Variants in TIE1 observed in about 807,000 individuals in gnomAD.
TIE1 encodes tyrosine-protein kinase receptor Tie-1.
In TIE1, 89 loss-of-function variants were observed where a neutral mutation model predicts 130.5. The ratio of observed to expected loss-of-function variants is 0.68; its 90% CI spans 0.57 to 0.81. The LOEUF (loss-of-function observed/expected upper bound fraction) is 0.81, where lower values mean the gene tolerates loss of function less well. Among genes scored for constraint, TIE1 ranks in the 40% least tolerant of loss-of-function variants. The probability of loss-of-function intolerance (pLI) is 0.00; values close to 1 mark genes in which losing one functional copy is unlikely to be tolerated. For synonymous variants in TIE1, 568 were observed against 629.4 expected (o/e 0.90, Z 1.46); for missense variants, 1,392 against 1,559.8 (o/e 0.89, Z 1.81).
Position 43,321,401 on chromosome 1 carries a change from A to G in TIE1, c.3154A>G (p.Thr1052Ala). The G allele has an allele frequency of 6.2e-7, 1 of 1,613,892 alleles. No individual in the cohort carries two copies. The highest frequency in any genetic ancestry group is 8.5e-7 in the Non-Finnish European group (1 of 1,179,896). Residue 1052 changes from threonine (T) to alanine (A), a missense_variant, in exon 21 of 23, where the codon ACA becomes GCA. By Grantham distance (58) the Thr-to-Ala change is moderately conservative. Transcript: ENST00000372476. ...CACTTTGTCCCCTCCTGCAGGAGGT[A>G]CACCCTACTGTGGCATGACCTGTGC... is the stretch of plus-strand genomic sequence containing the variant. ...LLWEIVSLGG[T>A]PYCGMTCAEL...
intron 1 of TIE1, among the ~76,000 whole-genome samples, chr1:43,304,277 AGCC>A (rs1464723559): frequency 1.3e-5 from 2 of 152,158 alleles, no homozygotes; most frequent in Non-Finnish European, 2.9e-5. Flanking sequence ...TGCAAAACTC[AGCC>A]TCTCCCACCT....
At position 43,306,535 on chromosome 1, in the gene TIE1, C is replaced by A. The variant is rs559749692; in HGVS notation, c.485-305C>A. Among the ~76,000 whole-genome samples, 12 of 152,136 alleles carry A rather than the reference C, an allele frequency of 7.9e-5. No individual in the cohort carries two copies. In the East Asian group the frequency reaches 2.3e-3, roughly 30 times the overall value. On this transcript the variant is annotated intron_variant, in intron 3 of 22. Coordinates refer to ENST00000372476, the MANE Select transcript of TIE1 (RefSeq NM_005424.5). This position sits in a 1 kb window ranked among gnomAD's most constrained non-coding sequence, Gnocchi z 4.9. Reference sequence around the variant, plus strand: ...AAGGGTGACACTGGAGGCAGAGGAGCCTTGTGAGGCCCCTGGAGGCTAGGA... The same window carrying A: ...AAGGGTGACACTGGAGGCAGAGGAGACTTGTGAGGCCCCTGGAGGCTAGGA...
chr1:43,303,486 C>A (rs1199666805), intron 1 of TIE1, among the ~76,000 whole-genome samples: 1 of 152,142 alleles, frequency 6.6e-6, no homozygotes, highest in Non-Finnish European at 1.5e-5. Flanking sequence ...CTCATGGTAG[C>A]CTTTCAAACA....
chr1:43,321,630 G>A lies in TIE1; in HGVS notation c.3260G>A (p.Arg1087His), dbSNP rs146799667. ...CCCCCTCGCAGGTACGAGCTGATGC[G>A]TCAGTGCTGGCGGGACCGTCCCTAT... is the stretch of plus-strand genomic sequence containing the variant. ...NCDDEVYELMRQCWRDRPYER... is the reference protein window; with the variant it reads ...NCDDEVYELMHQCWRDRPYER... Residue 1087 changes from arginine to histidine, a missense_variant, in exon 22 of 23, where the codon CGT becomes CAT. By Grantham distance (29) the Arg-to-His change is conservative. This residue lies in a region of TIE1 where 104 missense variants were observed against 129.3 expected (regional missense o/e 0.80). Transcript: ENST00000372476. The A allele has an allele frequency of 1.8e-4, 274 of 1,554,136 alleles. 1 individual carries two copies. Among genetic ancestry groups the A allele is most frequent in the Non-Finnish European group, 2.2e-4 (254 of 1,148,350 alleles).
intron 1 of TIE1, among the ~76,000 whole-genome samples, chr1:43,301,669 G>T (rs1646671599): frequency 6.6e-6 from 1 of 151,492 alleles, no homozygotes; most frequent in Non-Finnish European, 1.5e-5. Flanking sequence ...AGGAGATCGA[G>T]ACCAGCCTGG....
Position 43,307,902 on chromosome 1 carries a change from T to C in TIE1, c.1020T>C (p.His340=). The part of the protein sequence containing the change: ...FSGCVCPSGW[H]GVHCEKSDRI... ...GTTGTGTCTGCCCCTCTGGGTGGCA[T>C]GGAGTGCACTGTGAGAAGTCAGGTA... Residue 340 remains histidine (H), a synonymous_variant, in exon 7 of 23, where the codon CAT becomes CAC. Coordinates refer to ENST00000372476, the MANE Select transcript of TIE1 (RefSeq NM_005424.5). The surrounding 1 kb of genome is among the most constrained non-coding windows in gnomAD (Gnocchi z 5.4). The C allele has an allele frequency of 6.2e-7, 1 of 1,614,176 alleles. No homozygotes were observed. The highest frequency in any genetic ancestry group is 8.5e-7 in the Non-Finnish European group (1 of 1,180,006).
intron 1 of TIE1, among the ~76,000 whole-genome samples, chr1:43,301,848 G>A (rs368876420): frequency 1.8e-4 from 28 of 152,262 alleles, no homozygotes; most frequent in South Asian, 1.4e-3. Flanking sequence ...CAGCCTGGGC[G>A]ACAGAGCAAG....
intron 1 of TIE1, 24 bp downstream of exon 1, chr1:43,301,153 C>T (rs914090114): frequency 6.2e-7 from 1 of 1,605,788 alleles, no homozygotes; most frequent in Non-Finnish European, 8.5e-7. Context: ...GAGTCCCTCA[C>T]CCCATTTCTA....
chr1:43,306,832 TC>T lies in TIE1; in HGVS notation c.485-3del. The T allele has an allele frequency of 6.2e-7, 1 of 1,602,262 alleles. No individual in the cohort carries two copies. The highest frequency in any genetic ancestry group is 8.5e-7 in the Non-Finnish European group (1 of 1,173,994). ...TGCTGAGGCCCCTGACACATTCATG[TC>T]CCCCAGGATCCTACTTCTACACCCT... is the stretch of plus-strand genomic sequence containing the variant. On this transcript the variant is annotated splice_region_variant and splice_polypyrimidine_tract_variant and intron_variant, in intron 3 of 22. Coordinates refer to ENST00000372476, the MANE Select transcript of TIE1 (RefSeq NM_005424.5). This position sits in a 1 kb window ranked among gnomAD's most constrained non-coding sequence, Gnocchi z 4.9.
intron 1 of TIE1, 106 bp from the exon 2 acceptor site, chr1:43,304,745 T>C: frequency 1.6e-6 from 2 of 1,240,174 alleles, no homozygotes; most frequent in Non-Finnish European, 2.1e-6. Flanking sequence ...GGAGACCCTC[T>C]TCTGAGTGGA....
chr1:43,308,925 G>A (rs764757108), intron 7 of TIE1, 61 bp from the exon 8 acceptor site: 227 of 1,610,190 alleles, frequency 1.4e-4, no homozygotes, highest in Non-Finnish European at 1.8e-4. Flanking sequence ...GATGAGGGGC[G>A]CTTTGGTGGT....
chr1:43,321,882 G>A (rs138456179), intron 22 of TIE1, among the ~76,000 whole-genome samples, 167 bp downstream of exon 22: 2 of 152,320 alleles, frequency 1.3e-5, no homozygotes, highest in African/African-American at 2.4e-5. Context: ...TGCCTTTCCA[G>A]CCCTCACTGG....
In TIE1 at chr1:43,315,859, C is replaced by T. The variant is rs1646853575; in HGVS notation, c.2410-1340C>T. On this transcript the variant is annotated intron_variant, in intron 14 of 22. Transcript: ENST00000372476. The surrounding 1 kb of genome is among the most constrained non-coding windows in gnomAD (Gnocchi z 4.4). ...TCTATATCAAGATATATCCCCCTAG[C>T]CTGGGCAACATGGCAAAACCCCATC... 6.6e-6 allele frequency among the ~76,000 whole-genome samples: 1 copy of T among 151,964 alleles called. No individual in the cohort carries two copies. The highest frequency in any genetic ancestry group is 1.5e-5 in the Non-Finnish European group (1 of 68,012).
chr1:43,301,009 A>T lies in TIE1; in HGVS notation c.-63A>T, dbSNP rs573643663. ...ACTGACCAACACAGGCTGAGCAGTC[A>T]GGCCCACAGCATCTGACCCCAGGCC... is the stretch of plus-strand genomic sequence containing the variant. On this transcript the variant is annotated 5_prime_UTR_variant, in exon 1 of 23. Transcript: ENST00000372476. 25 of 1,570,590 alleles carry T rather than the reference A, an allele frequency of 1.6e-5. No individual in the cohort carries two copies. The Admixed American group carries it at 4.1e-4, about 26-fold the overall frequency.
chr1:43,314,020 T>C, intron 14 of TIE1, 52 bp downstream of exon 14: 1 of 1,586,392 alleles, frequency 6.3e-7, no homozygotes, highest in Non-Finnish European at 8.6e-7. Flanking sequence ...GTGTTTATGT[T>C]TCTACCTGTG....
Position 43,313,454 on chromosome 1 carries a change from C to G in TIE1, c.2218+29C>G, listed in dbSNP as rs187353459. 1 of 1,611,886 alleles carries G rather than the reference C, an allele frequency of 6.2e-7. No homozygotes were observed. The highest frequency in any genetic ancestry group is 8.5e-7 in the Non-Finnish European group (1 of 1,178,962). ...AGAGGGCAGGGCCCACAGGACCCCC[C>G]GGGCTCTGAGCGGGGAGAGCTCAGC... On this transcript the variant is annotated intron_variant, in intron 13 of 22. Transcript: ENST00000372476. This position sits in a 1 kb window ranked among gnomAD's most constrained non-coding sequence, Gnocchi z 6.2.
chr1:43,306,908 G>A lies in TIE1; in HGVS notation c.553G>A (p.Val185Met), dbSNP rs1313130222. ...DGRFLLQLPN[V>M]QPPSSGIYSA... ...GCGGTTCCTGCTGCAGCTCCCAAAT[G>A]TGCAGCCACCATCGAGCGGCATCTA... Residue 185 changes from valine (V) to methionine (M), a missense_variant, in exon 4 of 23, where the codon GTG (valine) becomes ATG (methionine). Physicochemically the swap from Val to Met is conservative, Grantham distance 21. This residue lies in a region of TIE1 where 415 missense variants were observed against 424.8 expected (regional missense o/e 0.98). Coordinates refer to ENST00000372476, the MANE Select transcript of TIE1 (RefSeq NM_005424.5). The surrounding 1 kb of genome is among the most constrained non-coding windows in gnomAD (Gnocchi z 4.9). The A allele has an allele frequency of 6.2e-7, 1 of 1,614,042 alleles. No homozygotes were observed. Among genetic ancestry groups the A allele is most frequent in the South Asian group, 1.1e-5 (1 of 91,078 alleles).
Position 43,312,117 on chromosome 1 carries a change from C to G in TIE1, c.1616C>G (p.Thr539Ser). The change falls in exon 11 of 23, where the codon ACC becomes AGC. Residue 539 changes from threonine (T) to serine (S), a missense_variant. By Grantham distance (58) the Thr-to-Ser change is moderately conservative. Coordinates refer to ENST00000372476, the MANE Select transcript of TIE1 (RefSeq NM_005424.5). The surrounding 1 kb of genome is among the most constrained non-coding windows in gnomAD (Gnocchi z 5.6). ...GCCTGGGGGCCTCCCACCCTCATGA[C>G]CACAGACTGTCCTGGTGAGAGGCCA... ...EGAWGPPTLMTTDCPEPLLQP... is the reference protein window; with the variant it reads ...EGAWGPPTLMSTDCPEPLLQP... 6.4e-7 allele frequency: 1 copy of G among 1,565,582 alleles called. No homozygotes were observed. The highest frequency in any genetic ancestry group is 8.7e-7 in the Non-Finnish European group (1 of 1,155,712).
intron 22 of TIE1, 35 bp downstream of exon 22, chr1:43,321,750 T>G (rs1378132446): frequency 1.3e-6 from 2 of 1,544,546 alleles, no homozygotes; most frequent in Non-Finnish European, 1.8e-6. Flanking sequence ...CGGGCTGGGC[T>G]CACAGAGTGC....
Sources: allele counts gnomAD v4.1 joint callset (sites outside exome capture counted in the v4.1 genomes callset), GRCh38; gene constraint gnomAD v4.1.1; regional missense constraint gnomAD v4.1.1; non-coding constraint Gnocchi (gnomAD v3.1); transcripts MANE v1.5; gene names NCBI Gene and HGNC (gene_info 2026-07-23, HGNC 2026-07-21).